Variants in FMR1NB observed in about 807,000 individuals in gnomAD.
The protein encoded by FMR1NB is FMR1 neighbor protein.
Under a neutral mutation model 16.8 loss-of-function variants are expected in FMR1NB, and 10 were observed. That is an observed-to-expected ratio of 0.60 (90% CI 0.37 to 1.01). The LOEUF (loss-of-function observed/expected upper bound fraction) is 1.01, where lower values mean the gene tolerates loss of function less well. Among genes scored for constraint, FMR1NB ranks in the 50% least tolerant of loss-of-function variants. The pLI, the probability that FMR1NB is intolerant of heterozygous loss-of-function variation, is 0.01. For synonymous variants in FMR1NB, 83 were observed against 79.1 expected, an observed-to-expected ratio of 1.05 and a Z score of -0.26; for missense variants, 205 against 204.8, an observed-to-expected ratio of 1.00 and a Z score of 0.00.
intron 1 of FMR1NB, among the ~76,000 whole-genome samples, chrX:147,996,958 T>C (rs2044545044): frequency 8.9e-6 from 1 of 112,069 alleles, no homozygotes; most frequent in Non-Finnish European, 1.9e-5. Flanking sequence ...AGATGCAAAT[T>C]AGAGGCAAAG....
At chrX:147,994,053 C>T (rs187842812) in intron 1 of FMR1NB, among the ~76,000 whole-genome samples, 1 of 111,436 alleles carries the variant, frequency 9.0e-6, no homozygotes, top group East Asian at 2.8e-4. Flanking sequence ...CTCCCAACCC[C>T]CTCACAAACG....
intron 5 of FMR1NB, among the ~76,000 whole-genome samples, chrX:148,025,478 A>G (rs986979515): frequency 1.6e-4 from 18 of 111,675 alleles, no homozygotes; most frequent in Non-Finnish European, 1.9e-5. Flanking sequence ...GTAGTGTTAG[A>G]AGAGGTTGAG....
At chrX:147,987,230 A>C (rs1447444220) in intron 1 of FMR1NB, among the ~76,000 whole-genome samples, 3 of 111,617 alleles carry the variant, frequency 2.7e-5, no homozygotes, top group African/African-American at 9.8e-5. Flanking sequence ...GGCTGAGACG[A>C]TGGGGTTTTC....
At chrX:148,014,390 TC>T (rs1211759119) in intron 4 of FMR1NB, among the ~76,000 whole-genome samples, 1 of 112,251 alleles carries the variant, frequency 8.9e-6, no homozygotes, top group Non-Finnish European at 1.9e-5. Flanking sequence ...AGACTCATCT[TC>T]CTGAAATATC....
In FMR1NB at chrX:147,981,484, A is replaced by G. The variant is rs2044445703; in HGVS notation, c.82A>G (p.Thr28Ala). 3.3e-6 allele frequency: 4 copies of G among 1,211,889 alleles called. No homozygotes were observed. The highest frequency in any genetic ancestry group is 4.5e-6 in the Non-Finnish European group (4 of 895,522). The change falls in exon 1 of 6, where the codon ACT (threonine) becomes GCT (alanine). Residue 28 changes from threonine (T) to alanine (A), a missense_variant. By Grantham distance (58) the Thr-to-Ala change is moderately conservative. Coordinates refer to ENST00000370467, the MANE Select transcript of FMR1NB (RefSeq NM_152578.3). ...AMRVAHLELATYELAATESNP... is the reference protein window; with the variant it reads ...AMRVAHLELAAYELAATESNP... ...GCGTGTGGCTCACTTAGAGCTGGCA[A>G]CTTATGAGTTGGCGGCAACTGAGTC...
chrX:148,019,243 C>T (rs2044666758), intron 4 of FMR1NB, among the ~76,000 whole-genome samples: 2 of 112,251 alleles, frequency 1.8e-5, no homozygotes, highest in Admixed American at 1.9e-4. Flanking sequence ...GAATTTCTGC[C>T]TGATTATTTT....
chrX:148,023,720 G>T (rs1345877890), intron 4 of FMR1NB, among the ~76,000 whole-genome samples: 3 of 111,049 alleles, frequency 2.7e-5, no homozygotes, highest in Non-Finnish European at 5.7e-5. Context: ...CTTATGTTTA[G>T]TTCTTTAGAA....
chrX:148,012,480 A>T (rs1048686466), intron 4 of FMR1NB, among the ~76,000 whole-genome samples: 1 of 112,068 alleles, frequency 8.9e-6, no homozygotes, highest in Non-Finnish European at 1.9e-5. Context: ...GTAACTTTGA[A>T]TTAAGACAAA....
At chrX:148,006,947 A>T in intron 3 of FMR1NB, 105 bp downstream of exon 3, 1 of 887,981 alleles carries the variant, frequency 1.1e-6, no homozygotes, top group Admixed American at 3.0e-5. Flanking sequence ...CTTAAATGGG[A>T]CTCCCAGTCC....
intron 4 of FMR1NB, among the ~76,000 whole-genome samples, chrX:148,020,304 C>T (rs2044672134): frequency 8.9e-6 from 1 of 111,926 alleles, no homozygotes; most frequent in Non-Finnish European, 1.9e-5. Flanking sequence ...AGTGGGCTCC[C>T]CTCTGGCCCA....
chrX:148,006,958 T>C (rs1209030218), intron 3 of FMR1NB, 116 bp downstream of exon 3: 3 of 814,038 alleles, frequency 3.7e-6, no homozygotes, highest in Non-Finnish European at 5.1e-6. Flanking sequence ...CTCCCAGTCC[T>C]AGAGCGGTGC....
At chrX:148,024,421 C>T (rs782289259) in intron 4 of FMR1NB, among the ~76,000 whole-genome samples, 1 of 111,832 alleles carries the variant, frequency 8.9e-6, no homozygotes, top group East Asian at 2.8e-4. Context: ...TACCCAATGA[C>T]AACAGGAGTA....
intron 1 of FMR1NB, among the ~76,000 whole-genome samples, chrX:147,992,903 G>A (rs2044519808): frequency 1.0e-5 from 1 of 97,506 alleles, no homozygotes; most frequent in Admixed American, 1.0e-4. Context: ...TGGGATGGCG[G>A]CCGGGCGGAG....
chrX:147,994,196 A>G (rs2044530228), intron 1 of FMR1NB, among the ~76,000 whole-genome samples: 1 of 111,166 alleles, frequency 9.0e-6, no homozygotes, highest in African/African-American at 3.3e-5. Flanking sequence ...TGCTCTCCCT[A>G]GAGGTTTTCC....
chrX:148,022,249 CA>C (rs141712888), intron 4 of FMR1NB, among the ~76,000 whole-genome samples: 16,067 of 111,116 alleles, frequency 0.14, 1,463 homozygotes, highest in African/African-American at 0.34. Flanking sequence ...ACTCAGGCTG[CA>C]GGCCTCATCT....
At chrX:147,982,825 C>T (rs1036581321) in intron 1 of FMR1NB, among the ~76,000 whole-genome samples, 7 of 110,608 alleles carry the variant, frequency 6.3e-5, no homozygotes, top group Admixed American at 1.9e-4. Context: ...ACCCGGAAGG[C>T]GGAGCTTGCA....
At chrX:147,989,043 G>A (rs1238135178) in intron 1 of FMR1NB, among the ~76,000 whole-genome samples, 2 of 111,680 alleles carry the variant, frequency 1.8e-5, no homozygotes, top group Non-Finnish European at 3.8e-5. Flanking sequence ...TGCCCTTGCC[G>A]GAGAGGAGTT....
chrX:148,000,500 A>T (rs1557188577), intron 1 of FMR1NB, among the ~76,000 whole-genome samples: 1 of 112,437 alleles, frequency 8.9e-6, no homozygotes, highest in African/African-American at 3.2e-5. Flanking sequence ...TGAATCATGA[A>T]TCCTATATAA....
intron 1 of FMR1NB, among the ~76,000 whole-genome samples, chrX:147,990,951 C>T (rs1387039706): frequency 2.7e-5 from 3 of 110,508 alleles, no homozygotes; most frequent in African/African-American, 9.9e-5. Flanking sequence ...ACCTCACTTG[C>T]TAACCTCCCT....
Sources: gnomAD v4.1 joint callset for allele counts (sites outside exome capture counted in the v4.1 genomes callset) on GRCh38, gnomAD v4.1.1 for gene constraint, MANE v1.5 for transcripts, NCBI Gene and HGNC (gene_info 2026-07-23, HGNC 2026-07-21) for gene names.